Variants in N4BP1 observed in about 807,000 individuals in gnomAD.
N4BP1 encodes NEDD4 binding protein 1, also known as NEDD4-binding protein 1.
In N4BP1, 21 loss-of-function variants were observed where a neutral mutation model predicts 70.9. That is an observed-to-expected ratio of 0.30 (90% CI 0.21 to 0.43). The LOEUF is 0.43. N4BP1 is among the 20% of genes least tolerant of loss of function. N4BP1 has a pLI of 1.00. For missense variants in N4BP1, 936 were observed against 1,069.4 expected (o/e 0.88, Z 1.74); for synonymous variants, 387 against 394.6 (o/e 0.98, Z 0.23).
At chr16:48,567,994 G>A (rs974814) in intron 1 of N4BP1, among the ~76,000 whole-genome samples, 1 of 152,098 alleles carries the variant, frequency 6.6e-6, no homozygotes, top group African/African-American at 2.4e-5. Context: ...GACAACCAGA[G>A]ACAGTCCCTA....
chr16:48,581,449 GA>G (rs1964173590), intron 1 of N4BP1, among the ~76,000 whole-genome samples: 1 of 151,918 alleles, frequency 6.6e-6, no homozygotes, highest in African/African-American at 2.4e-5. Flanking sequence ...ACACTAGAAA[GA>G]AAAAAGTTAA....
intron 6 of N4BP1, 83 bp from the exon 7 acceptor site, chr16:48,543,344 G>A (rs1486738124): frequency 3.4e-6 from 4 of 1,159,428 alleles, no homozygotes; most frequent in African/African-American, 1.6e-5. Flanking sequence ...ACCTGCGGCA[G>A]GCCTTGAGGC....
intron 1 of N4BP1, among the ~76,000 whole-genome samples, chr16:48,583,148 G>T (rs1282622377): frequency 6.6e-6 from 1 of 152,232 alleles, no homozygotes; most frequent in Admixed American, 6.5e-5. Flanking sequence ...ATCCCTTGGT[G>T]TCCGCAGGGG....
At chr16:48,558,890 T>C (rs1056286844) in intron 2 of N4BP1, among the ~76,000 whole-genome samples, 2 of 152,244 alleles carry the variant, frequency 1.3e-5, no homozygotes, top group African/African-American at 4.8e-5. Context: ...GATAAGCATA[T>C]TGCATATTTT....
At chr16:48,553,408 G>T in intron 3 of N4BP1, 131 bp downstream of exon 3, 1 of 840,744 alleles carries the variant, frequency 1.2e-6, no homozygotes, top group Non-Finnish European at 1.6e-6. Context: ...GCTAGGTGCA[G>T]TAGATTTACA....
chr16:48,549,936 A>G (rs1377034572), intron 4 of N4BP1, among the ~76,000 whole-genome samples: 1 of 152,220 alleles, frequency 6.6e-6, no homozygotes, highest in Non-Finnish European at 1.5e-5. Flanking sequence ...TAAACAGGGC[A>G]AATGCAGGGG....
At chr16:48,571,841 A>C (rs1214289885) in intron 1 of N4BP1, among the ~76,000 whole-genome samples, 1 of 152,178 alleles carries the variant, frequency 6.6e-6, no homozygotes, top group Non-Finnish European at 1.5e-5. Flanking sequence ...AATCCAAATA[A>C]CTAGCATTTC....
At chr16:48,567,124 T>C (rs1963954464) in intron 1 of N4BP1, among the ~76,000 whole-genome samples, 1 of 152,250 alleles carries the variant, frequency 6.6e-6, no homozygotes, top group African/African-American at 2.4e-5. Flanking sequence ...AGACACCAGA[T>C]AATTTCATTA....
chr16:48,570,226 A>G (rs16946298), intron 1 of N4BP1, among the ~76,000 whole-genome samples: 175 of 152,344 alleles, frequency 1.1e-3, no homozygotes, highest in African/African-American at 4.1e-3. Flanking sequence ...GGCTGAAACC[A>G]GAAGGCTTTT....
intron 1 of N4BP1, among the ~76,000 whole-genome samples, chr16:48,580,006 T>C (rs1346706018): frequency 6.6e-6 from 1 of 151,930 alleles, no homozygotes; most frequent in Non-Finnish European, 1.5e-5. Context: ...ATACAATAAC[T>C]GTAAGGAACA....
intron 1 of N4BP1, among the ~76,000 whole-genome samples, chr16:48,581,962 T>C (rs1964180859): frequency 6.6e-6 from 1 of 151,826 alleles, no homozygotes. Context: ...CTAACAGAAT[T>C]ACATCAAATA....
Position 48,562,399 on chromosome 16 carries a change from A to T in N4BP1, c.244T>A (p.Cys82Ser). 1 of 1,613,024 alleles carries T rather than the reference A, an allele frequency of 6.2e-7. No individual in the cohort carries two copies. Among genetic ancestry groups the T allele is most frequent in the South Asian group, 1.1e-5 (1 of 90,844 alleles). Residue 82 changes from cysteine (C) to serine (S), a missense_variant, in exon 2 of 7, where the codon TGT (cysteine) becomes AGT (serine). By Grantham distance (112) the Cys-to-Ser change is moderately radical. Coordinates refer to ENST00000262384, the MANE Select transcript of N4BP1 (RefSeq NM_153029.4). Reference sequence around the variant, plus strand: ...ATGCAGTGCATGTCCTTGGGGTAACATTCTCTTTCTTCTAGTTCAGGTTCA... The same window carrying T: ...ATGCAGTGCATGTCCTTGGGGTAACTTTCTCTTTCTTCTAGTTCAGGTTCA... ...ICEPELEERE[C>S]YPKDMHCIFV...
intron 1 of N4BP1, among the ~76,000 whole-genome samples, chr16:48,606,081 T>TGCC (rs1964577553): frequency 6.6e-6 from 1 of 152,172 alleles, no homozygotes; most frequent in Non-Finnish European, 1.5e-5. Context: ...GGCAACGTGA[T>TGCC]TCTTGAGGTC....
Position 48,543,090 on chromosome 16 carries a change from G to C in N4BP1, c.2505C>G (p.Ala835=), listed in dbSNP as rs893700876. ...PQQPHFPLLP[A]LPSLQQNLPM... is the part of the protein sequence containing the mutation. ...GCAGGTTCTGCTGGAGACTGGGGAGGGCTGGCAGCAGTGGGAAGTGGGGCT... is the reference window on the plus strand; with the variant it reads ...GCAGGTTCTGCTGGAGACTGGGGAGCGCTGGCAGCAGTGGGAAGTGGGGCT... The change falls in exon 7 of 7, where the codon GCC becomes GCG. Residue 835 remains alanine, a synonymous_variant. Transcript: ENST00000262384. 2 of 1,613,780 alleles carry C rather than the reference G, an allele frequency of 1.2e-6. No individual in the cohort carries two copies.
intron 1 of N4BP1, among the ~76,000 whole-genome samples, chr16:48,571,661 G>T (rs1964022788): frequency 6.6e-6 from 1 of 152,034 alleles, no homozygotes; most frequent in South Asian, 2.1e-4. Flanking sequence ...AGAGGAAAAG[G>T]AAAGAAATCA....
chr16:48,599,122 A>G (rs1342738877), intron 1 of N4BP1, among the ~76,000 whole-genome samples: 1 of 152,152 alleles, frequency 6.6e-6, no homozygotes, highest in Non-Finnish European at 1.5e-5. Context: ...GAGAACTGGT[A>G]TATCTGAGTC....
At chr16:48,555,415 G>C (rs1193158912) in intron 2 of N4BP1, among the ~76,000 whole-genome samples, 4 of 152,172 alleles carry the variant, frequency 2.6e-5, no homozygotes, top group African/African-American at 9.7e-5. Flanking sequence ...GAAGAGGCTG[G>C]ACACTTCACG....
At position 48,561,697 on chromosome 16, in the gene N4BP1, A is replaced by G; in HGVS notation, c.946T>C (p.Leu316=). ...EGEILHDAKT[L]AGNVIADLSD... is the part of the protein sequence containing the mutation. ...AGGTCAGCTATTACATTTCCAGCCA[A>G]TGTCTTAGCATCGTGTAAAATCTCC... The change falls in exon 2 of 7, where the codon TTG becomes CTG. Residue 316 remains leucine (L), a synonymous_variant. Coordinates refer to ENST00000262384, the MANE Select transcript of N4BP1 (RefSeq NM_153029.4). 1 of 1,612,714 alleles carries G rather than the reference A, an allele frequency of 6.2e-7. No homozygotes were observed. The highest frequency in any genetic ancestry group is 8.5e-7 in the Non-Finnish European group (1 of 1,179,876).
At chr16:48,550,920 A>G (rs960902808) in intron 4 of N4BP1, among the ~76,000 whole-genome samples, 5 of 151,876 alleles carry the variant, frequency 3.3e-5, no homozygotes, top group Non-Finnish European at 7.4e-5. Context: ...CTCCATCTCA[A>G]GAAAAAAAAA....
Sources: gnomAD v4.1 joint callset for allele counts (sites outside exome capture counted in the v4.1 genomes callset) on GRCh38, gnomAD v4.1.1 for gene constraint, MANE v1.5 for transcripts, NCBI Gene and HGNC (gene_info 2026-07-23, HGNC 2026-07-21) for gene names.